The following AMMECR1 variants were observed in gnomAD, a reference collection of about 807,000 sequenced individuals.
AMMECR1 encodes the protein AMMECR nuclear protein 1.
Under a neutral mutation model 22.5 loss-of-function variants are expected in AMMECR1, and 3 were observed. The ratio of observed to expected loss-of-function variants is 0.13; its 90% CI spans 0.06 to 0.35. The LOEUF (loss-of-function observed/expected upper bound fraction) is 0.35. AMMECR1 is among the 10% of genes least tolerant of loss of function. The pLI is 1.00. For synonymous variants in AMMECR1, 130 were observed against 116.7 expected (o/e 1.11, Z -0.74); for missense variants, 235 against 278.7 (o/e 0.84, Z 1.12).
intron 2 of AMMECR1, among the ~76,000 whole-genome samples, chrX:110,349,902 T>C (rs2068204630): frequency 8.9e-6 from 1 of 111,785 alleles, no homozygotes; most frequent in Admixed American, 9.5e-5. Context: ...CTAGGGATCA[T>C]GTATAAGAAA....
chrX:110,322,844 C>A (rs1174537336), upstream of AMMECR1, among the ~76,000 whole-genome samples: 1 of 111,624 alleles, frequency 9.0e-6, no homozygotes, highest in Non-Finnish European at 1.9e-5. Flanking sequence ...GAAGCTCAGT[C>A]GTCTCTCATT....
At chrX:110,217,876 T>C (rs1342363688) in intron 2 of AMMECR1, among the ~76,000 whole-genome samples, 1 of 111,362 alleles carries the variant, frequency 9.0e-6, no homozygotes, top group African/African-American at 3.3e-5. Flanking sequence ...GTTTTTATAT[T>C]TGCACCACAT....
chrX:110,425,408 C>T (rs2068746497), intron 2 of AMMECR1, among the ~76,000 whole-genome samples: 1 of 112,585 alleles, frequency 8.9e-6, no homozygotes, highest in African/African-American at 3.2e-5. Flanking sequence ...CCTGTGTTGC[C>T]ACAGGAGGGC....
intron 2 of AMMECR1, among the ~76,000 whole-genome samples, chrX:110,356,004 C>T (rs1228649290): frequency 9.0e-6 from 1 of 110,995 alleles, no homozygotes; most frequent in Non-Finnish European, 1.9e-5. Context: ...ATTGTGTGAT[C>T]TCCTACGTGA....
intron 2 of AMMECR1, among the ~76,000 whole-genome samples, chrX:110,337,071 A>T (rs1426780683): frequency 1.8e-5 from 2 of 111,084 alleles, no homozygotes; most frequent in African/African-American, 6.5e-5. Context: ...TTAAGTGAAA[A>T]GCCTCTAGAG....
intron 1 of AMMECR1, among the ~76,000 whole-genome samples, chrX:110,436,857 C>T (rs982971757): frequency 8.9e-6 from 1 of 111,986 alleles, no homozygotes; most frequent in African/African-American, 3.2e-5. Flanking sequence ...GTGGGAGTGA[C>T]TGTGGCTTCA....
intron 2 of AMMECR1, among the ~76,000 whole-genome samples, chrX:110,350,925 A>T (rs771798984): frequency 9.0e-6 from 1 of 111,472 alleles, no homozygotes; most frequent in East Asian, 2.8e-4. Context: ...GTGAGTCATG[A>T]TTGCACCACT....
intron 2 of AMMECR1, among the ~76,000 whole-genome samples, chrX:110,247,194 A>C (rs947415936): frequency 8.9e-6 from 1 of 112,264 alleles, no homozygotes; most frequent in Non-Finnish European, 1.9e-5. Flanking sequence ...AAAACTTCTT[A>C]CTGTGGCAAA....
At chrX:110,297,594 G>A (rs746109948) in intron 1 of AMMECR1, among the ~76,000 whole-genome samples, 26 of 111,158 alleles carry the variant, frequency 2.3e-4, no homozygotes, top group African/African-American at 3.9e-4. Flanking sequence ...TTTTTTAACC[G>A]AAAATCAGCT....
chrX:110,326,157 T>A (rs1178991165), intron 2 of AMMECR1, among the ~76,000 whole-genome samples: 1 of 110,496 alleles, frequency 9.1e-6, no homozygotes, highest in Non-Finnish European at 1.9e-5. Flanking sequence ...GCCTGGCTAA[T>A]TTTTTTGTAT....
At chrX:110,369,638 C>A (rs1004592257) in intron 2 of AMMECR1, among the ~76,000 whole-genome samples, 1 of 111,492 alleles carries the variant, frequency 9.0e-6, no homozygotes, top group Admixed American at 9.5e-5. Flanking sequence ...TCTCCCTCTG[C>A]CCCCAGCCAC....
intron 2 of AMMECR1, among the ~76,000 whole-genome samples, chrX:110,224,763 T>A (rs911411367): frequency 9.0e-6 from 1 of 111,100 alleles, no homozygotes; most frequent in Non-Finnish European, 1.9e-5. Context: ...GATTTAGATA[T>A]ATTACTCTCT....
intron 1 of AMMECR1, among the ~76,000 whole-genome samples, chrX:110,301,455 G>C (rs1042775470): frequency 3.6e-5 from 4 of 112,174 alleles, no homozygotes; most frequent in Non-Finnish European, 5.6e-5. Context: ...CTGAGGATAG[G>C]GCTTTTCCAC....
At chrX:110,308,836 G>A (rs1213514045) in intron 1 of AMMECR1, among the ~76,000 whole-genome samples, 1 of 111,061 alleles carries the variant, frequency 9.0e-6, no homozygotes, top group Non-Finnish European at 1.9e-5. Flanking sequence ...CACATGAATT[G>A]TGTTGAGAAT....
chrX:110,342,536 T>C (rs2068169094), intron 2 of AMMECR1, among the ~76,000 whole-genome samples: 1 of 110,788 alleles, frequency 9.0e-6, no homozygotes, highest in Admixed American at 9.6e-5. Context: ...CACGCCTGGC[T>C]AATTTTTGTA....
chrX:110,315,540 G>C (rs1482955789), intron 1 of AMMECR1, among the ~76,000 whole-genome samples: 1 of 112,294 alleles, frequency 8.9e-6, no homozygotes, highest in Non-Finnish European at 1.9e-5. Flanking sequence ...CTAAATACGT[G>C]TGCAAAGTGG....
chrX:110,220,803 G>A (rs2067496269), intron 2 of AMMECR1, among the ~76,000 whole-genome samples: 1 of 111,748 alleles, frequency 8.9e-6, no homozygotes. Context: ...ATGTTATATA[G>A]TACTTTAATA....
chrX:110,230,484 C>A (rs189273892), intron 2 of AMMECR1, among the ~76,000 whole-genome samples: 1,303 of 111,833 alleles, frequency 0.012, 11 homozygotes, highest in Admixed American at 0.056. Flanking sequence ...ATAGCATCAA[C>A]ATCAGCAAAA....
intron 2 of AMMECR1, among the ~76,000 whole-genome samples, chrX:110,229,764 G>C (rs1037555171): frequency 1.8e-5 from 2 of 112,199 alleles, no homozygotes; most frequent in Non-Finnish European, 3.8e-5. Context: ...AAGGGAAGCC[G>C]TGACAGACTA....
Sources: gnomAD v4.1 joint callset for allele counts (sites outside exome capture counted in the v4.1 genomes callset) on GRCh38, gnomAD v4.1.1 for gene constraint, MANE v1.5 for transcripts, NCBI Gene and HGNC (gene_info 2026-07-23, HGNC 2026-07-21) for gene names.